TMEM170B: variants seen among roughly 807,000 people sequenced by gnomAD.
TMEM170B encodes transmembrane protein 170B.
A neutral mutation model predicts 13.0 loss-of-function variants in TMEM170B; 6 were observed. The ratio of observed to expected loss-of-function variants is 0.46; its 90% confidence interval spans 0.25 to 0.91. The LOEUF (loss-of-function observed/expected upper bound fraction) is 0.91, where lower values mean the gene tolerates loss of function less well. Among genes scored for constraint, TMEM170B ranks in the 40% least tolerant of loss-of-function variants. The pLI, the probability that TMEM170B is intolerant of heterozygous loss-of-function variation, is 0.17. For missense variants in TMEM170B, 138 were observed against 165.2 expected, an observed-to-expected ratio of 0.84 and a Z score of 0.90; for synonymous variants, 61 against 64.9, an observed-to-expected ratio of 0.94 and a Z score of 0.29.
At chr6:11,560,225 C>T (rs377472451) in intron 1 of TMEM170B, among the ~76,000 whole-genome samples, 5 of 151,504 alleles carry the variant, frequency 3.3e-5, no homozygotes, top group South Asian at 2.1e-4. Flanking sequence ...AGTGCAGTGG[C>T]GTGGTCTTTG....
chr6:11,545,377 C>T (rs910815423), intron 1 of TMEM170B, among the ~76,000 whole-genome samples: 1 of 151,338 alleles, frequency 6.6e-6, no homozygotes, highest in Non-Finnish European at 1.5e-5. Context: ...TGTTCCAAAA[C>T]CCCCAGTGGG....
chr6:11,567,034 G>A (rs1351465786), intron 2 of TMEM170B, among the ~76,000 whole-genome samples: 5 of 152,198 alleles, frequency 3.3e-5, no homozygotes, highest in South Asian at 2.1e-4. Flanking sequence ...TGGTGCCTGT[G>A]ACCAATTATC....
chr6:11,557,321 T>C (rs887680213), intron 1 of TMEM170B, among the ~76,000 whole-genome samples: 5 of 152,202 alleles, frequency 3.3e-5, no homozygotes, highest in Non-Finnish European at 7.3e-5. Context: ...ACTGTTTTAG[T>C]AAGCATAGAT....
chr6:11,577,775 T>A lies in TMEM170B; in HGVS notation c.*2214T>A, dbSNP rs1399659622. 1.3e-5 allele frequency: 2 copies of A among 151,494 alleles called. No homozygotes were observed. Among genetic ancestry groups the A allele is most frequent in the East Asian group, 2.0e-4 (1 of 5,062 alleles). 9.4% of individuals were successfully genotyped at this position (151,494 alleles called of 1,614,324 possible). A position where few individuals can be genotyped will look rare whatever the true frequency, so the allele number is the denominator to read the frequency against. On this transcript the variant is annotated 3_prime_UTR_variant, in exon 3 of 3. Coordinates refer to ENST00000379426, the MANE Select transcript of TMEM170B (RefSeq NM_001100829.3). ...AGTTTGTAGAGTGTCCTGCAGTTAT[T>A]ATCAAGTTGCTTTACATTATCAATT...
chr6:11,571,619 A>G (rs367651762), intron 2 of TMEM170B, among the ~76,000 whole-genome samples: 2 of 152,236 alleles, frequency 1.3e-5, no homozygotes, highest in Admixed American at 1.3e-4. Flanking sequence ...ACCCTATCCC[A>G]CTTCTCTGCA....
chr6:11,576,038 A>T lies in TMEM170B; in HGVS notation c.*477A>T, dbSNP rs1025491782. On this transcript the variant is annotated 3_prime_UTR_variant, in exon 3 of 3. Transcript: ENST00000379426. ...TGTACTAAGATTTTTGTTCGGTAAC[A>T]CTAAATCCCGTATGAGTGCTAAATA... 1.3e-5 allele frequency: 2 copies of T among 153,226 alleles called. No homozygotes were observed. Among genetic ancestry groups the T allele is most frequent in the East Asian group, 1.9e-4 (1 of 5,242 alleles). 9.5% of individuals were successfully genotyped at this position (153,226 alleles called of 1,614,324 possible). A position where few individuals can be genotyped will look rare whatever the true frequency, so the allele number is the denominator to read the frequency against.
chr6:11,555,353 A>G (rs1322291103), intron 1 of TMEM170B, among the ~76,000 whole-genome samples: 1 of 151,840 alleles, frequency 6.6e-6, no homozygotes, highest in Non-Finnish European at 1.5e-5. Context: ...TTTCACTATG[A>G]TGTGTCTAGG....
At position 11,560,576 on chromosome 6, in the gene TMEM170B, A is replaced by G. The variant is rs557603554; in HGVS notation, c.98-5090A>G. Among the ~76,000 whole-genome samples the G allele has an allele frequency of 1.0e-4, 7 of 68,658 alleles. No individual in the cohort carries two copies. In the East Asian group the frequency reaches 3.4e-3, roughly 34 times the overall value. The allele number at this position is 68,658 out of a possible 152,430, so 45.0% of individuals were successfully genotyped here. On this transcript the variant is annotated intron_variant, in intron 1 of 2. Coordinates refer to ENST00000379426, the MANE Select transcript of TMEM170B (RefSeq NM_001100829.3). The stretch of plus-strand genomic sequence containing the variant: ...GCCTGGGCAGCATAGCAAGACTGCT[A>G]TCTCTTAAAAAAAAAAAAAAAAATG...
chr6:11,577,185 C>G lies in TMEM170B; in HGVS notation c.*1624C>G, dbSNP rs998839791. Reference sequence around the variant, plus strand: ...AGAAGCAGAGTATATCCACAACTTACCAATGAGAAGTTGGAGAGGCAGTAC... The same window carrying G: ...AGAAGCAGAGTATATCCACAACTTAGCAATGAGAAGTTGGAGAGGCAGTAC... On this transcript the variant is annotated 3_prime_UTR_variant, in exon 3 of 3. Transcript: ENST00000379426. The G allele has an allele frequency of 6.6e-6, 1 of 152,120 alleles. No individual in the cohort carries two copies. Among genetic ancestry groups the G allele is most frequent in the East Asian group, 1.9e-4 (1 of 5,194 alleles). The allele number at this position is 152,120 out of a possible 1,614,324, so 9.4% of individuals were successfully genotyped here. A position where few individuals can be genotyped will look rare whatever the true frequency, so the allele number is the denominator to read the frequency against.
chr6:11,572,793 C>T (rs1206895144), intron 2 of TMEM170B, among the ~76,000 whole-genome samples: 1 of 152,106 alleles, frequency 6.6e-6, no homozygotes, highest in Non-Finnish European at 1.5e-5. Flanking sequence ...TATTTACATA[C>T]ATACCGCATA....
In TMEM170B at chr6:11,582,944, T is replaced by TAA. The variant is rs1160769843; in HGVS notation, c.*7384_*7385dup. 4 of 152,214 alleles carry TAA rather than the reference T, an allele frequency of 2.6e-5. No homozygotes were observed. Among genetic ancestry groups the TAA allele is most frequent in the African/African-American group, 9.6e-5 (4 of 41,458 alleles). 9.4% of individuals were successfully genotyped at this position (152,214 alleles called of 1,614,324 possible). On this transcript the variant is annotated 3_prime_UTR_variant, in exon 3 of 3. Transcript: ENST00000379426. ...TTATTTTAAAAACTATGTTTATATATAATACCTAACAAGCTGTAAATATTG... is the reference window on the plus strand; with the variant it reads ...TTATTTTAAAAACTATGTTTATATATAAAATACCTAACAAGCTGTAAATATTG...
intron 1 of TMEM170B, among the ~76,000 whole-genome samples, chr6:11,553,015 T>C (rs1686832852): frequency 6.6e-6 from 1 of 152,196 alleles, no homozygotes. Flanking sequence ...GCCTGGGCCC[T>C]GAACCCTTGA....
At chr6:11,539,205 T>C (rs893445457) in intron 1 of TMEM170B, among the ~76,000 whole-genome samples, 3 of 152,196 alleles carry the variant, frequency 2.0e-5, no homozygotes, top group African/African-American at 2.4e-5. Flanking sequence ...ATACTTTGAG[T>C]TCCGAATTTA....
chr6:11,579,495 T>A lies in TMEM170B; in HGVS notation c.*3934T>A, dbSNP rs996159265. ...GCATTACCAATTGAATATGTTGTTT[T>A]GTAAAATTCATCAATTTTGTTTCAT... On this transcript the variant is annotated 3_prime_UTR_variant, in exon 3 of 3. Transcript: ENST00000379426. The A allele has an allele frequency of 7.2e-5, 11 of 152,278 alleles. No individual in the cohort carries two copies. Among genetic ancestry groups the A allele is most frequent in the Non-Finnish European group, 1.2e-4 (8 of 68,052 alleles). The allele number at this position is 152,278 out of a possible 1,614,324, so 9.4% of individuals were successfully genotyped here. A position where few individuals can be genotyped will look rare whatever the true frequency, so the allele number is the denominator to read the frequency against.
intron 1 of TMEM170B, among the ~76,000 whole-genome samples, chr6:11,557,949 G>T (rs1759611846): frequency 6.6e-6 from 1 of 151,852 alleles, no homozygotes; most frequent in Non-Finnish European, 1.5e-5. Context: ...TCACTCCATT[G>T]CCCAGGCTGG....
At chr6:11,543,034 T>TA in intron 1 of TMEM170B, among the ~76,000 whole-genome samples, 3 of 152,316 alleles carry the variant, frequency 2.0e-5, no homozygotes, top group Non-Finnish European at 2.9e-5. Flanking sequence ...ACCATGCTAC[T>TA]TCAGCTACTT....
chr6:11,580,576 TTAC>T lies in TMEM170B; in HGVS notation c.*5018_*5020del, dbSNP rs1296746236. 6.6e-6 allele frequency: 1 copy of T among 152,178 alleles called. No individual in the cohort carries two copies. The highest frequency in any genetic ancestry group is 1.5e-5 in the Non-Finnish European group (1 of 68,030). 9.4% of individuals were successfully genotyped at this position (152,178 alleles called of 1,614,324 possible). On this transcript the variant is annotated 3_prime_UTR_variant, in exon 3 of 3. Transcript: ENST00000379426. ...AACACTTTTTGGGTAACTGGGTAAA[TTAC>T]TATTTCTTTTAATAATCGGGTGAAA...
chr6:11,550,166 C>G (rs1759505052), intron 1 of TMEM170B, among the ~76,000 whole-genome samples: 1 of 145,134 alleles, frequency 6.9e-6, no homozygotes, highest in South Asian at 2.4e-4. Context: ...CCTGTCGTGG[C>G]TTATATAATT....
At position 11,575,392 on chromosome 6, in the gene TMEM170B, G is replaced by A. The variant is rs1435217703; in HGVS notation, c.269-39G>A. 2 of 1,611,770 alleles carry A rather than the reference G, an allele frequency of 1.2e-6. No individual in the cohort carries two copies. Among genetic ancestry groups the A allele is most frequent in the African/African-American group, 2.7e-5 (2 of 74,818 alleles). On this transcript the variant is annotated intron_variant, in intron 2 of 2. Transcript: ENST00000379426. This position sits in a 1 kb window ranked among gnomAD's most constrained non-coding sequence, Gnocchi z 4.1. Reference sequence around the variant, plus strand: ...CAGCATGCAGTGTGTTATAAAACGAGTGACTGTATCCCTTCATTTTTCTCC... The same window carrying A: ...CAGCATGCAGTGTGTTATAAAACGAATGACTGTATCCCTTCATTTTTCTCC...
Sources: allele counts gnomAD v4.1 joint callset (sites outside exome capture counted in the v4.1 genomes callset), GRCh38; gene constraint gnomAD v4.1.1; non-coding constraint Gnocchi (gnomAD v3.1); transcripts MANE v1.5; gene names NCBI Gene and HGNC (gene_info 2026-07-23, HGNC 2026-07-21).